Variants in LOC101059915 observed in about 807,000 individuals in gnomAD.
At chrX:71,667,974 C>A in the LOC101059915 span, 1 of 1,164,767 alleles carries the variant, frequency 8.6e-7, no homozygotes, top group Non-Finnish European at 1.1e-6. Context: ...AGGGCGAGAG[C>A]GGGTTCACAG....
At chrX:71,671,525 TTCTGTGG>T in the LOC101059915 span, 2 of 254,652 alleles carry the variant, frequency 7.9e-6, no homozygotes, top group Non-Finnish European at 7.1e-6. Flanking sequence ...TGTTCTCATA[TTCTGTGG>T]TCTGTGGTCT....
the LOC101059915 span, chrX:71,670,677 G>A: frequency 1.8e-6 from 2 of 1,115,936 alleles, no homozygotes; most frequent in Non-Finnish European, 2.3e-6. Flanking sequence ...AGCACTGGCT[G>A]GGGCAGGGAT....
the LOC101059915 span, chrX:71,667,923 C>G: frequency 1.8e-6 from 2 of 1,140,839 alleles, no homozygotes; most frequent in Non-Finnish European, 2.3e-6. Flanking sequence ...ACGGCCGAGA[C>G]CTCAATTTTG....
the LOC101059915 span, chrX:71,670,719 G>A: frequency 9.1e-7 from 1 of 1,101,678 alleles, no homozygotes; most frequent in Non-Finnish European, 1.2e-6. Flanking sequence ...GGTGCTGGTG[G>A]TGGGGGTGGA....
chrX:71,667,615 C>T, the LOC101059915 span: 6 of 319,864 alleles, frequency 1.9e-5, no homozygotes, highest in East Asian at 5.0e-5. Context: ...GTGAGGGTGG[C>T]GGTGTCCCAA....
the LOC101059915 span, chrX:71,668,795 G>T: frequency 1.1e-4 from 114 of 1,077,017 alleles, no homozygotes; most frequent in African/African-American, 2.0e-3. Flanking sequence ...TCCCTAGAGG[G>T]TGCACCAGAA....
At chrX:71,669,758 C>A in the LOC101059915 span, 12 of 954,169 alleles carry the variant, frequency 1.3e-5, no homozygotes, top group Non-Finnish European at 1.6e-5. Context: ...GAGAGGGGTC[C>A]GGAGGGAAAC....
chrX:71,668,967 G>C, the LOC101059915 span: 1 of 1,163,538 alleles, frequency 8.6e-7, no homozygotes, highest in South Asian at 1.9e-5. Flanking sequence ...CTGCAGGAAG[G>C]AAGACCAGGG....
chrX:71,668,551 C>A, the LOC101059915 span: 1 of 1,128,614 alleles, frequency 8.9e-7, no homozygotes, highest in South Asian at 2.2e-5. Flanking sequence ...CCGCAGTTTC[C>A]ACCGCAGGGA....
At chrX:71,670,262 C>T in the LOC101059915 span, 30 of 1,164,541 alleles carry the variant, frequency 2.6e-5, no homozygotes, top group Non-Finnish European at 3.0e-5. Flanking sequence ...TTTCAGGTGA[C>T]TGGCAGCCAC....
the LOC101059915 span, chrX:71,667,603 T>C: frequency 3.4e-6 from 1 of 296,073 alleles, no homozygotes; most frequent in Non-Finnish European, 5.7e-6. Flanking sequence ...GAGCAGACTG[T>C]GGTGAGGGTG....
chrX:71,667,712 TCG>T, the LOC101059915 span: 3 of 910,825 alleles, frequency 3.3e-6, no homozygotes, highest in Non-Finnish European at 4.1e-6. Context: ...AGTGGCCCCC[TCG>T]GCTGGGCTTG....
At chrX:71,667,968 C>T in the LOC101059915 span, 10 of 1,162,654 alleles carry the variant, frequency 8.6e-6, no homozygotes, top group East Asian at 3.3e-5. Flanking sequence ...AGGGCAAGGG[C>T]GAGAGCGGGT....
At chrX:71,667,713 C>T in the LOC101059915 span, 1 of 917,483 alleles carries the variant, frequency 1.1e-6, no homozygotes, top group East Asian at 4.2e-5. Context: ...GTGGCCCCCT[C>T]GGCTGGGCTT....
the LOC101059915 span, chrX:71,667,759 G>T: frequency 9.8e-7 from 1 of 1,017,488 alleles, no homozygotes; most frequent in South Asian, 3.4e-5. Flanking sequence ...CTGTTACCAG[G>T]ACGACTGTCT....
the LOC101059915 span, chrX:71,669,146 C>A: frequency 1.0e-6 from 1 of 971,153 alleles, no homozygotes; most frequent in Non-Finnish European, 1.4e-6. Context: ...CGCCTCTTTG[C>A]CCATGCCCTC....
At chrX:71,671,092 A>G in the LOC101059915 span, 3 of 1,140,349 alleles carry the variant, frequency 2.6e-6, no homozygotes, top group Non-Finnish European at 3.5e-6. Flanking sequence ...TGGATGAGTC[A>G]GTCCCAGGGC....
chrX:71,667,974 C>T, the LOC101059915 span: 95 of 1,163,577 alleles, frequency 8.2e-5, no homozygotes, highest in Non-Finnish European at 1.1e-4. Flanking sequence ...AGGGCGAGAG[C>T]GGGTTCACAG....
chrX:71,667,856 G>A, the LOC101059915 span: 2 of 1,096,367 alleles, frequency 1.8e-6, no homozygotes, highest in Admixed American at 3.7e-5. Flanking sequence ...GGCCCAGAGG[G>A]TGGCGAGCAG....
Sources: gnomAD v4.1 joint callset for allele counts on GRCh38, gnomAD v4.1.1 for gene constraint, MANE v1.5 for transcripts.